Variants in MEF2A observed in about 807,000 individuals in gnomAD.
MEF2A encodes the protein myocyte-specific enhancer factor 2A.
In MEF2A, 28 loss-of-function variants were observed where a neutral mutation model predicts 55.8. The observed-to-expected ratio is 0.50, with a 90% CI of 0.37 to 0.69. The LOEUF (loss-of-function observed/expected upper bound fraction) is 0.69. Among genes scored for constraint, MEF2A ranks in the 30% least tolerant of loss-of-function variants. The pLI is 0.00. For synonymous variants in MEF2A, 239 were observed against 227.1 expected (o/e 1.05, Z -0.47); for missense variants, 528 against 626.2 (o/e 0.84, Z 1.67).
In MEF2A at chr15:99,680,363, TCTTA is replaced by T. The variant is rs557233878; in HGVS notation, c.670+4912_670+4915del. 7.2e-4 allele frequency among the ~76,000 whole-genome samples: 110 copies of T among 152,330 alleles called. 2 individuals carry two copies. Among genetic ancestry groups the T allele is most frequent in the South Asian group, 2.9e-3 (14 of 4,830 alleles). ...TTAAAATGACAAAAAAAAATACTACTCTTACTTACTAATTCCCAACTATTAGCAC... is the reference window on the plus strand; with the variant it reads ...TTAAAATGACAAAAAAAAATACTACTCTTACTAATTCCCAACTATTAGCAC... On this transcript the variant is annotated intron_variant, in intron 7 of 11. Transcript: ENST00000557942.
In MEF2A at chr15:99,714,301, A is replaced by G. The variant is rs1418474002; in HGVS notation, c.*1530A>G. On this transcript the variant is annotated 3_prime_UTR_variant, in exon 12 of 12. Coordinates refer to ENST00000557942, the MANE Select transcript of MEF2A (RefSeq NM_001319206.4). The stretch of plus-strand genomic sequence containing the variant: ...AAATGTAGTAGAAAAAGCTGACCTA[A>G]TTTAATTAATATTAGAGAAAATGGC... The G allele has an allele frequency of 6.6e-6, 1 of 152,216 alleles. No homozygotes were observed. The highest frequency in any genetic ancestry group is 1.5e-5 in the Non-Finnish European group (1 of 68,024). 9.4% of individuals were successfully genotyped at this position (152,216 alleles called of 1,614,324 possible). A position where few individuals can be genotyped will look rare whatever the true frequency, so the allele number is the denominator to read the frequency against.
At chr15:99,587,157 A>G (rs1967595361) in intron 1 of MEF2A, among the ~76,000 whole-genome samples, 1 of 152,022 alleles carries the variant, frequency 6.6e-6, no homozygotes, top group African/African-American at 2.4e-5. Flanking sequence ...TGCTGCACCC[A>G]TCAACCCATC....
intron 2 of MEF2A, among the ~76,000 whole-genome samples, chr15:99,621,611 A>G (rs2041186063): frequency 6.6e-6 from 1 of 152,164 alleles, no homozygotes; most frequent in South Asian, 2.1e-4. Context: ...CTATATGCCC[A>G]AGACTCCCAA....
At chr15:99,696,932 A>G (rs2056560342) in intron 8 of MEF2A, among the ~76,000 whole-genome samples, 1 of 152,180 alleles carries the variant, frequency 6.6e-6, no homozygotes, top group Non-Finnish European at 1.5e-5. Context: ...ATTGAGCAAT[A>G]TATAAAAAGG....
intron 1 of MEF2A, among the ~76,000 whole-genome samples, chr15:99,590,185 A>T (rs1481052969): frequency 2.6e-5 from 4 of 152,018 alleles, no homozygotes; most frequent in Non-Finnish European, 5.9e-5. Context: ...GGCTGCATAA[A>T]TGTTTAGAAT....
rs1282703034 is a variant in MEF2A at position 99,619,620 on chromosome 15, T to C, written c.-142-13358T>C. On this transcript the variant is annotated intron_variant, in intron 2 of 11. Coordinates refer to ENST00000557942, the MANE Select transcript of MEF2A (RefSeq NM_001319206.4). ...TCATTTTGTTTTCAGATCATAAATATTCACATCATAAATGTTAATGTGTTC... is the reference window on the plus strand; with the variant it reads ...TCATTTTGTTTTCAGATCATAAATACTCACATCATAAATGTTAATGTGTTC... Among the ~76,000 whole-genome samples, 3 of 152,344 alleles carry C rather than the reference T, an allele frequency of 2.0e-5. 1 individual carries two copies. Among genetic ancestry groups the C allele is most frequent in the South Asian group, 4.1e-4 (2 of 4,824 alleles).
intron 1 of MEF2A, among the ~76,000 whole-genome samples, chr15:99,594,923 A>G (rs1289868920): frequency 2.0e-5 from 3 of 152,198 alleles, no homozygotes; most frequent in East Asian, 3.8e-4. Flanking sequence ...TTGATGTACA[A>G]CGTATATCTG....
intron 3 of MEF2A, among the ~76,000 whole-genome samples, chr15:99,642,454 C>CT (rs1222483858): frequency 2.0e-5 from 3 of 152,004 alleles, no homozygotes; most frequent in African/African-American, 7.3e-5. Context: ...ATACAAACAA[C>CT]TTTTTTCTAT....
chr15:99,572,720 C>T (rs1325025987), intron 1 of MEF2A, among the ~76,000 whole-genome samples: 1 of 152,210 alleles, frequency 6.6e-6, no homozygotes, highest in East Asian at 1.9e-4. Flanking sequence ...CAGATGTCAT[C>T]TGTGATACCA....
intron 1 of MEF2A, among the ~76,000 whole-genome samples, chr15:99,597,343 C>A (rs1971542153): frequency 6.6e-6 from 1 of 152,058 alleles, no homozygotes; most frequent in Non-Finnish European, 1.5e-5. Context: ...GAAATAGACT[C>A]CAGTCTCCCA....
intron 1 of MEF2A, among the ~76,000 whole-genome samples, chr15:99,576,702 G>A (rs1374210352): frequency 3.3e-5 from 5 of 150,764 alleles, no homozygotes; most frequent in Non-Finnish European, 7.4e-5. Context: ...GTACAGTGGC[G>A]CAATCTTGGC....
chr15:99,607,818 A>AG (rs1269337568), intron 2 of MEF2A, among the ~76,000 whole-genome samples: 1 of 152,146 alleles, frequency 6.6e-6, no homozygotes, highest in East Asian at 1.9e-4. Context: ...GCATGGATGG[A>AG]GGGGCTCTCC....
At chr15:99,694,485 C>G (rs1010908456) in intron 8 of MEF2A, among the ~76,000 whole-genome samples, 1 of 152,180 alleles carries the variant, frequency 6.6e-6, no homozygotes, top group Non-Finnish European at 1.5e-5. Context: ...GTACTACATG[C>G]GAGTGTCATG....
intron 4 of MEF2A, among the ~76,000 whole-genome samples, chr15:99,664,732 T>C (rs1271210564): frequency 2.0e-5 from 3 of 152,148 alleles, no homozygotes; most frequent in Non-Finnish European, 4.4e-5. Flanking sequence ...ACCGGTTTAA[T>C]AAAAGATAAT....
At chr15:99,687,161 A>G (rs1164257627) in intron 7 of MEF2A, among the ~76,000 whole-genome samples, 1 of 143,988 alleles carries the variant, frequency 6.9e-6, no homozygotes. Flanking sequence ...ACTGGGCTCA[A>G]GCGATCTGCC....
chr15:99,697,945 T>G (rs917035785), intron 8 of MEF2A, among the ~76,000 whole-genome samples: 2 of 152,232 alleles, frequency 1.3e-5, no homozygotes, highest in African/African-American at 2.4e-5. Flanking sequence ...GCTGGGTTTT[T>G]GGCAGAGGTA....
At chr15:99,686,021 C>G (rs2054151242) in intron 7 of MEF2A, among the ~76,000 whole-genome samples, 1 of 152,030 alleles carries the variant, frequency 6.6e-6, no homozygotes, top group Admixed American at 6.6e-5. Flanking sequence ...GTTTTTATTT[C>G]TTCCTCATTT....
chr15:99,597,522 T>TGTGATCTC (rs1370153375), intron 1 of MEF2A, among the ~76,000 whole-genome samples: 3 of 148,834 alleles, frequency 2.0e-5, no homozygotes, highest in Admixed American at 6.7e-5. Context: ...CCTGTGGTCC[T>TGTGATCTC]GTGATCTCGT....
chr15:99,603,936 G>A (rs1224958732), intron 2 of MEF2A, among the ~76,000 whole-genome samples: 1 of 152,160 alleles, frequency 6.6e-6, no homozygotes, highest in Non-Finnish European at 1.5e-5. Flanking sequence ...CTAGGTGCAT[G>A]CGTAATAAGG....
Sources: allele counts gnomAD v4.1 joint callset (sites outside exome capture counted in the v4.1 genomes callset), GRCh38; gene constraint gnomAD v4.1.1; transcripts MANE v1.5; gene names NCBI Gene and HGNC (gene_info 2026-07-23, HGNC 2026-07-21).